The following CLSTN2 variants were observed in gnomAD, a reference collection of about 807,000 sequenced individuals.
The protein encoded by CLSTN2 is calsyntenin-2.
A neutral mutation model predicts 101.2 loss-of-function variants in CLSTN2; 48 were observed. That is an observed-to-expected ratio of 0.47 (90% CI 0.38 to 0.60). The LOEUF (loss-of-function observed/expected upper bound fraction) is 0.60, where lower values mean the gene tolerates loss of function less well. Among genes scored for constraint, CLSTN2 ranks in the 20% least tolerant of loss-of-function variants. The pLI, the probability that CLSTN2 is intolerant of heterozygous loss-of-function variation, is 0.00. For synonymous variants in CLSTN2, 481 were observed against 463.6 expected (o/e 1.04, Z -0.48); for missense variants, 1,160 against 1,238.2 (o/e 0.94, Z 0.95).
At chr3:140,179,235 AG>A (rs1329016712) in intron 2 of CLSTN2, among the ~76,000 whole-genome samples, 2 of 152,098 alleles carry the variant, frequency 1.3e-5, no homozygotes, top group Admixed American at 1.3e-4. Context: ...ACACAGTAAA[AG>A]CATGAGGTAT....
intron 1 of CLSTN2, among the ~76,000 whole-genome samples, chr3:140,103,475 T>C (rs551811030): frequency 6.6e-6 from 1 of 152,354 alleles, no homozygotes; most frequent in East Asian, 1.9e-4. Flanking sequence ...TCCATCATCA[T>C]AGGCTTTTTG....
At chr3:140,362,304 A>G (rs1347918756) in intron 2 of CLSTN2, among the ~76,000 whole-genome samples, 2 of 152,306 alleles carry the variant, frequency 1.3e-5, no homozygotes, top group African/African-American at 4.8e-5. Context: ...AGACACAAAG[A>G]CTAAAAATGG....
chr3:140,203,115 C>A (rs984200338), intron 2 of CLSTN2, among the ~76,000 whole-genome samples: 1 of 152,124 alleles, frequency 6.6e-6, no homozygotes, highest in Non-Finnish European at 1.5e-5. Context: ...GGGCAAGAAA[C>A]CTTTATTATT....
chr3:140,168,169 A>G (rs2010161648), intron 1 of CLSTN2, among the ~76,000 whole-genome samples: 1 of 152,180 alleles, frequency 6.6e-6, no homozygotes, highest in South Asian at 2.1e-4. Context: ...AGTTCCAATT[A>G]CTTTACATGT....
At chr3:140,232,296 G>A (rs1208501206) in intron 2 of CLSTN2, among the ~76,000 whole-genome samples, 33 of 152,126 alleles carry the variant, frequency 2.2e-4, no homozygotes, top group Admixed American at 2.2e-3. Flanking sequence ...ATTGGATCTA[G>A]CCATAGAGTT....
At chr3:140,241,022 CAG>C (rs2086462590) in intron 2 of CLSTN2, among the ~76,000 whole-genome samples, 1 of 152,084 alleles carries the variant, frequency 6.6e-6, no homozygotes, top group Non-Finnish European at 1.5e-5. Context: ...GACAAGGTGA[CAG>C]ACATGGAAAA....
chr3:140,388,012 T>C (rs1247433009), intron 2 of CLSTN2, among the ~76,000 whole-genome samples: 2 of 152,268 alleles, frequency 1.3e-5, no homozygotes, highest in Non-Finnish European at 2.9e-5. Context: ...TGGTGTCTAC[T>C]CTTTCATATC....
At chr3:140,372,438 G>A (rs570624865) in intron 2 of CLSTN2, among the ~76,000 whole-genome samples, 2 of 152,310 alleles carry the variant, frequency 1.3e-5, no homozygotes, top group South Asian at 2.1e-4. Context: ...ATCCCTGAAT[G>A]CAGATGATGA....
Position 140,069,350 on chromosome 3 carries a change from C to T in CLSTN2, c.110-106601C>T, listed in dbSNP as rs78789774. On this transcript the variant is annotated intron_variant, in intron 1 of 16. Transcript: ENST00000458420. ...GGAGCATCCTGGGTACAGCATGACA[C>T]CAAGACACCAGATCAATGGTAGGGC... Among the ~76,000 whole-genome samples, 648 of 152,224 alleles carry T rather than the reference C, an allele frequency of 4.3e-3. 7 individuals are homozygous for T. The highest frequency in any genetic ancestry group is 0.015 in the African/African-American group (616 of 41,534).
chr3:140,404,411 A>G (rs2088280120), intron 3 of CLSTN2, 147 bp from the exon 4 acceptor site: 2 of 684,038 alleles, frequency 2.9e-6, no homozygotes, highest in Non-Finnish European at 2.6e-6. Context: ...GAGAGGGAGG[A>G]TGGGACACTC....
chr3:140,001,799 T>A (rs1002581619), intron 1 of CLSTN2, among the ~76,000 whole-genome samples: 2 of 151,852 alleles, frequency 1.3e-5, no homozygotes, highest in Non-Finnish European at 2.9e-5. Context: ...CTGGTAAACA[T>A]CCTTCTACTC....
At chr3:140,551,771 G>GTAAGAATT (rs1935708378) in intron 10 of CLSTN2, among the ~76,000 whole-genome samples, 1 of 150,100 alleles carries the variant, frequency 6.7e-6, no homozygotes, top group African/African-American at 2.4e-5. Flanking sequence ...TAGTGATGTT[G>GTAAGAATT]TAAGAATTTA....
chr3:140,252,356 G>T (rs371974555), intron 2 of CLSTN2, among the ~76,000 whole-genome samples: 10 of 152,148 alleles, frequency 6.6e-5, no homozygotes, highest in South Asian at 4.1e-4. Flanking sequence ...CTAGCACTCA[G>T]AGATGCTTGG....
chr3:140,494,482 G>T (rs1427188681), intron 8 of CLSTN2, among the ~76,000 whole-genome samples: 2 of 152,134 alleles, frequency 1.3e-5, no homozygotes, highest in African/African-American at 4.8e-5. Context: ...TAACTTCTGG[G>T]GTACATGTGC....
chr3:140,470,826 C>T (rs1933827455), intron 8 of CLSTN2, among the ~76,000 whole-genome samples: 1 of 152,120 alleles, frequency 6.6e-6, no homozygotes, highest in Non-Finnish European at 1.5e-5. Flanking sequence ...TAGAAGCCCC[C>T]CAGGAACCCC....
chr3:140,023,445 G>T (rs182085263), intron 1 of CLSTN2, among the ~76,000 whole-genome samples: 21 of 152,332 alleles, frequency 1.4e-4, no homozygotes, highest in Non-Finnish European at 2.5e-4. Flanking sequence ...TCGCTCAACA[G>T]TTCAGAGTGA....
Position 140,342,935 on chromosome 3 carries a change from G to T in CLSTN2, c.233-60694G>T, listed in dbSNP as rs908722293. Among the ~76,000 whole-genome samples the T allele has an allele frequency of 3.9e-5, 6 of 152,280 alleles. No individual in the cohort carries two copies. The South Asian group carries it at 1.2e-3, about 32-fold the overall frequency. On this transcript the variant is annotated intron_variant, in intron 2 of 16. Transcript: ENST00000458420. ...AAGGCTAGTATCACAAGAGAACCAG[G>T]TGGAAACTATGTTGCCTTTTATGGC...
intron 1 of CLSTN2, among the ~76,000 whole-genome samples, chr3:140,063,590 A>G (rs2008247661): frequency 6.6e-6 from 1 of 152,188 alleles, no homozygotes; most frequent in Admixed American, 6.5e-5. Context: ...GAGTGTGGAA[A>G]ATAAATCTTT....
chr3:140,496,579 A>G (rs770997781), intron 8 of CLSTN2, among the ~76,000 whole-genome samples: 3 of 152,226 alleles, frequency 2.0e-5, no homozygotes, highest in Non-Finnish European at 4.4e-5. Context: ...TTACCCATTC[A>G]GTATGATATT....
Sources: gnomAD v4.1 joint callset for allele counts (sites outside exome capture counted in the v4.1 genomes callset) on GRCh38, gnomAD v4.1.1 for gene constraint, MANE v1.5 for transcripts, NCBI Gene and HGNC (gene_info 2026-07-23, HGNC 2026-07-21) for gene names.